Variants in ZNF600 observed in about 807,000 individuals in gnomAD.
ZNF600 encodes zinc finger protein 600.
In ZNF600, 4 loss-of-function variants were observed where a neutral mutation model predicts 7.3. The observed-to-expected ratio is 0.55, with a 90% CI of 0.27 to 1.25. ZNF600 has a LOEUF of 1.25. Among genes scored for constraint, ZNF600 ranks in the 50% most tolerant of loss-of-function variants. The probability of loss-of-function intolerance (pLI) is 0.12; values close to 1 mark genes in which losing one functional copy is unlikely to be tolerated. For synonymous variants in ZNF600, 290 were observed against 308.9 expected (o/e 0.94, Z 0.64); for missense variants, 911 against 922.1 (o/e 0.99, Z 0.16).
At chr19:52,778,083 G>A (rs1193697899) in intron 2 of ZNF600, among the ~76,000 whole-genome samples, 4 of 151,456 alleles carry the variant, frequency 2.6e-5, no homozygotes, top group Non-Finnish European at 4.4e-5. Flanking sequence ...GCATAATTTC[G>A]GCATACAGTA....
chr19:52,813,973 T>A, the ZNF600 span, among the ~76,000 whole-genome samples: 1 of 146,736 alleles, frequency 6.8e-6, no homozygotes, highest in African/African-American at 2.6e-5. Context: ...GAATTTTTTT[T>A]AATATGTGTC....
At chr19:52,818,533 T>C in the ZNF600 span, among the ~76,000 whole-genome samples, 7 of 122,248 alleles carry the variant, frequency 5.7e-5, no homozygotes, top group Non-Finnish European at 1.6e-5. Context: ...GCCAACATGG[T>C]GAAACCCTGT....
chr19:52,778,369 G>T (rs1282382763), intron 2 of ZNF600, among the ~76,000 whole-genome samples: 4 of 151,660 alleles, frequency 2.6e-5, no homozygotes, highest in Non-Finnish European at 5.9e-5. Flanking sequence ...ATCTACTAGT[G>T]TGGCTTCAAA....
At chr19:52,776,034 G>GAAAGGCTGAGGCAAAAGAA (rs1194288609) in intron 2 of ZNF600, among the ~76,000 whole-genome samples, 3 of 142,340 alleles carry the variant, frequency 2.1e-5, no homozygotes. Context: ...ACCAAAAACT[G>GAAAGGCTGAGGCAAAAGAA]TTATGATGAC....
the ZNF600 span, among the ~76,000 whole-genome samples, chr19:52,809,316 CAT>C: frequency 5.5e-3 from 833 of 152,328 alleles, 8 homozygotes; most frequent in African/African-American, 0.017. Flanking sequence ...GCAAAGGACA[CAT>C]GTGTTGTCAT....
exon 4 of ZNF600, chr19:52,767,695 A>G (rs764133753): frequency 6.2e-7 from 1 of 1,613,890 alleles, no homozygotes; most frequent in Admixed American, 1.7e-5. Flanking sequence ...TATCTTTGCA[A>G]TGTCCCTGTG....
At chr19:52,827,791 C>T in the ZNF600 span, among the ~76,000 whole-genome samples, 6 of 151,968 alleles carry the variant, frequency 3.9e-5, no homozygotes, top group Non-Finnish European at 7.4e-5. Context: ...ATGATCCACC[C>T]GCCTCAGCCT....
At chr19:52,765,469 AATG>A (rs1301819355) in exon 4 of ZNF600, 4 of 1,448,922 alleles carry the variant, frequency 2.8e-6, no homozygotes, top group Non-Finnish European at 9.7e-7. Flanking sequence ...GCAATGTATG[AATG>A]ATGTCTGAAA....
chr19:52,817,528 T>C, the ZNF600 span, among the ~76,000 whole-genome samples: 1 of 152,220 alleles, frequency 6.6e-6, no homozygotes, highest in East Asian at 1.9e-4. Context: ...GATTTTCCCT[T>C]ATTGGTCTCC....
the ZNF600 span, among the ~76,000 whole-genome samples, chr19:52,804,596 C>T: frequency 2.6e-5 from 4 of 152,180 alleles, no homozygotes; most frequent in Non-Finnish European, 5.9e-5. Flanking sequence ...GTCTCAAACT[C>T]GTGACCTCAA....
At chr19:52,781,829 G>A (rs571204078) in intron 1 of ZNF600, among the ~76,000 whole-genome samples, 7 of 151,628 alleles carry the variant, frequency 4.6e-5, no homozygotes, top group Admixed American at 1.3e-4. Flanking sequence ...TTGGGAGGCC[G>A]AAGTGGGTGG....
At position 52,766,375 on chromosome 19, in the gene ZNF600, T is replaced by A; in HGVS notation, c.1588A>T (p.Lys530Ter). The change falls in exon 4 of 4, where the codon AAG becomes TAG. Residue 530 changes from lysine (K) to a stop codon, truncating the protein, a stop_gained. Transcript: ENST00000648973. LOFTEE classifies it low-confidence loss of function (END_TRUNC). ...GGTTTCTCTCCGGTGTGAATTATCT[T>A]ATGTGTCTCAAGGGTTGATCCACAA... 4 of 1,614,016 alleles carry A rather than the reference T, an allele frequency of 2.5e-6. No individual in the cohort carries two copies. Among genetic ancestry groups the A allele is most frequent in the Non-Finnish European group, 3.4e-6 (4 of 1,179,982 alleles).
chr19:52,782,318 G>A (rs979750245), intron 1 of ZNF600, among the ~76,000 whole-genome samples: 6 of 151,984 alleles, frequency 3.9e-5, no homozygotes, highest in African/African-American at 1.5e-4. Flanking sequence ...GAGGTCAGGA[G>A]TTCAAGACCA....
At chr19:52,814,644 T>C in the ZNF600 span, among the ~76,000 whole-genome samples, 77 of 144,984 alleles carry the variant, frequency 5.3e-4, 7 homozygotes, top group Middle Eastern at 3.5e-3. Context: ...TTCAAAACTT[T>C]GGGAGGCTGA....
chr19:52,802,407 T>C, the ZNF600 span, among the ~76,000 whole-genome samples: 3 of 151,300 alleles, frequency 2.0e-5, no homozygotes. Context: ...AGGCAGGGCA[T>C]GGTGGCTCAT....
rs115236176 is a variant in ZNF600, at chr19:52,778,464, T to C, written c.63+362A>G. On this transcript the variant is annotated intron_variant, in intron 2 of 3. Coordinates refer to ENST00000648973, the Ensembl canonical transcript of ZNF600. ...CTAGATATCTGTGTACACTAACATA[T>C]GTATTTCATATGTAGTTTCTCTGAT... Among the ~76,000 whole-genome samples, 692 of 152,302 alleles carry C rather than the reference T, an allele frequency of 4.5e-3. 3 individuals carry two copies. The highest frequency in any genetic ancestry group is 0.016 in the African/African-American group (663 of 41,574).
At chr19:52,819,576 AG>A in the ZNF600 span, among the ~76,000 whole-genome samples, 325 of 51,084 alleles carry the variant, frequency 6.4e-3, 82 homozygotes, top group Middle Eastern at 0.023. Flanking sequence ...TCCAAGTTGC[AG>A]GGGAGGCTCA....
the ZNF600 span, chr19:52,810,479 G>A: frequency 6.3e-7 from 1 of 1,586,946 alleles, no homozygotes; most frequent in Non-Finnish European, 8.6e-7. Flanking sequence ...GACTTCCTTG[G>A]CCTTGGATGA....
chr19:52,803,309 G>C, the ZNF600 span, among the ~76,000 whole-genome samples: 2 of 151,584 alleles, frequency 1.3e-5, no homozygotes, highest in Non-Finnish European at 2.9e-5. Flanking sequence ...TCGAACTCCT[G>C]ACCTCAGATG....
Sources: gnomAD v4.1 joint callset for allele counts (sites outside exome capture counted in the v4.1 genomes callset) on GRCh38, gnomAD v4.1.1 for gene constraint, MANE v1.5 for transcripts, NCBI Gene and HGNC (gene_info 2026-07-23, HGNC 2026-07-21) for gene names.